MLLT3: variants seen among roughly 807,000 people sequenced by gnomAD.
MLLT3 encodes the protein MLLT3 super elongation complex subunit.
Under a neutral mutation model 53.2 loss-of-function variants are expected in MLLT3, and 4 were observed. The ratio of observed to expected loss-of-function variants is 0.08; its 90% CI spans 0.04 to 0.17. The LOEUF is 0.17. Among genes scored for constraint, MLLT3 ranks in the 10% least tolerant of loss-of-function variants. MLLT3 has a pLI of 1.00. For missense variants in MLLT3, 569 were observed against 684.0 expected, an observed-to-expected ratio of 0.83 and a Z score of 1.87; for synonymous variants, 283 against 230.6, an observed-to-expected ratio of 1.23 and a Z score of -2.06.
chr9:20,398,153 G>A (rs1822368405), intron 5 of MLLT3, among the ~76,000 whole-genome samples: 1 of 151,926 alleles, frequency 6.6e-6, no homozygotes, highest in African/African-American at 2.4e-5. Flanking sequence ...CTGGAGTGCA[G>A]TGTTACAAGG....
chr9:20,352,777 G>T (rs1208319545), intron 10 of MLLT3, among the ~76,000 whole-genome samples: 1 of 144,974 alleles, frequency 6.9e-6, no homozygotes, highest in African/African-American at 2.5e-5. Context: ...TCATTTGAAA[G>T]TAGTAAAAAA....
At chr9:20,498,437 T>C (rs138469174) in intron 2 of MLLT3, among the ~76,000 whole-genome samples, 124 of 152,176 alleles carry the variant, frequency 8.1e-4, no homozygotes, top group Non-Finnish European at 1.4e-3. Flanking sequence ...TATATCTCCT[T>C]TGATGAAGTG....
At chr9:20,515,130 C>G (rs1395137844) in intron 2 of MLLT3, among the ~76,000 whole-genome samples, 5 of 151,594 alleles carry the variant, frequency 3.3e-5, no homozygotes, top group Non-Finnish European at 7.4e-5. Flanking sequence ...GTATTTCTAG[C>G]AGAGATGGGG....
chr9:20,469,533 T>C (rs924664887), intron 2 of MLLT3, among the ~76,000 whole-genome samples: 4 of 152,074 alleles, frequency 2.6e-5, no homozygotes, highest in Admixed American at 2.0e-4. Flanking sequence ...GGTTGATGAA[T>C]AGGTTTATGC....
chr9:20,353,910 A>G (rs1821099060), intron 9 of MLLT3, among the ~76,000 whole-genome samples: 3 of 152,248 alleles, frequency 2.0e-5, no homozygotes, highest in Admixed American at 2.0e-4. Flanking sequence ...TAGGGAAATT[A>G]AATGCTAAAT....
At chr9:20,486,115 T>C (rs1824805688) in intron 2 of MLLT3, among the ~76,000 whole-genome samples, 1 of 152,176 alleles carries the variant, frequency 6.6e-6, no homozygotes, top group Admixed American at 6.5e-5. Context: ...TATCTGTCAG[T>C]CACATGATAA....
At chr9:20,611,646 T>G (rs1820705128) in intron 2 of MLLT3, among the ~76,000 whole-genome samples, 1 of 152,102 alleles carries the variant, frequency 6.6e-6, no homozygotes, top group Non-Finnish European at 1.5e-5. Flanking sequence ...AGCCATAATT[T>G]TCTTTAATAA....
chr9:20,470,700 T>C lies in MLLT3; in HGVS notation c.194-13914A>G, dbSNP rs185660299. ...TTCTTCCTGGGATGTCAAGTACTAT[T>C]GTTTAGCTTCTACCCTAAACCAAAG... On this transcript the variant is annotated intron_variant, in intron 2 of 10. Transcript: ENST00000380338. Among the ~76,000 whole-genome samples, 1,440 of 152,150 alleles carry C rather than the reference T, an allele frequency of 9.5e-3. 10 individuals carry two copies. The highest frequency in any genetic ancestry group is 0.02 in the Middle Eastern group (6 of 294).
chr9:20,353,433 G>A, intron 10 of MLLT3, 92 bp downstream of exon 10: 1 of 1,027,508 alleles, frequency 9.7e-7, no homozygotes. Flanking sequence ...ATAGCGTGGG[G>A]CTGCAGTGGC....
At chr9:20,439,170 A>G (rs777856013) in intron 4 of MLLT3, among the ~76,000 whole-genome samples, 10 of 152,122 alleles carry the variant, frequency 6.6e-5, no homozygotes, top group African/African-American at 1.2e-4. Flanking sequence ...CCTGACCAAC[A>G]CGGTGAAACC....
At chr9:20,611,121 T>C (rs937126665) in intron 2 of MLLT3, among the ~76,000 whole-genome samples, 1 of 152,158 alleles carries the variant, frequency 6.6e-6, no homozygotes, top group Non-Finnish European at 1.5e-5. Flanking sequence ...AGGGTAAAGA[T>C]GATATAAAGT....
In MLLT3 at chr9:20,484,581, T is replaced by C. The variant is rs2118910922; in HGVS notation, c.194-27795A>G. The stretch of plus-strand genomic sequence containing the variant: ...AAACTTAACCCAAAAATTACTCCTT[T>C]TCTCTGGTCTGCCCCACCACATACC... On this transcript the variant is annotated intron_variant, in intron 2 of 10. Coordinates refer to ENST00000380338, the MANE Select transcript of MLLT3 (RefSeq NM_004529.4). Among the ~76,000 whole-genome samples, 2 of 152,276 alleles carry C rather than the reference T, an allele frequency of 1.3e-5. 1 individual carries two copies. The highest frequency in any genetic ancestry group is 6.8e-3 in the Middle Eastern group (2 of 294).
chr9:20,570,549 T>G (rs995326754), intron 2 of MLLT3, among the ~76,000 whole-genome samples: 3 of 152,212 alleles, frequency 2.0e-5, no homozygotes, highest in Non-Finnish European at 2.9e-5. Context: ...CTGGAATGTC[T>G]ATAACAACAA....
intron 2 of MLLT3, among the ~76,000 whole-genome samples, chr9:20,561,965 T>G (rs1819226216): frequency 6.6e-6 from 1 of 151,920 alleles, no homozygotes; most frequent in African/African-American, 2.4e-5. Flanking sequence ...GGGCAGAGAT[T>G]AGGGAACAGA....
chr9:20,486,453 G>C (rs1586987021), intron 2 of MLLT3, among the ~76,000 whole-genome samples: 1 of 152,024 alleles, frequency 6.6e-6, no homozygotes, highest in African/African-American at 2.4e-5. Flanking sequence ...ATCACAAAAA[G>C]GCTAATTTTC....
intron 2 of MLLT3, among the ~76,000 whole-genome samples, chr9:20,586,395 T>TG (rs1166320497): frequency 7.2e-6 from 1 of 139,722 alleles, no homozygotes; most frequent in African/African-American, 2.6e-5. Context: ...ATTCTGTGAC[T>TG]GGAAAGAAAA....
Position 20,620,842 on chromosome 9 carries a change from C to A in MLLT3, c.13-8G>T, listed in dbSNP as rs372688474. The A allele has an allele frequency of 6.2e-6, 10 of 1,614,046 alleles. No homozygotes were observed. In the African/African-American group the frequency reaches 1.2e-4, roughly 19 times the overall value. ...CTTCACCTGCACGGCACACTGCGGG[C>A]AGGGGGAGGAGAGACAGCCGTGAAT... On this transcript the variant is annotated splice_region_variant and splice_polypyrimidine_tract_variant and intron_variant, in intron 1 of 10. Coordinates refer to ENST00000380338, the MANE Select transcript of MLLT3 (RefSeq NM_004529.4). The surrounding 1 kb of genome is among the most constrained non-coding windows in gnomAD (Gnocchi z 6.1).
At chr9:20,513,630 G>C (rs1490038361) in intron 2 of MLLT3, among the ~76,000 whole-genome samples, 1 of 152,142 alleles carries the variant, frequency 6.6e-6, no homozygotes, top group African/African-American at 2.4e-5. Context: ...GGCTACCGTG[G>C]CGTATCTGCA....
intron 7 of MLLT3, 71 bp downstream of exon 7, chr9:20,363,405 A>T: frequency 1.3e-6 from 2 of 1,567,934 alleles, no homozygotes; most frequent in Non-Finnish European, 1.7e-6. Flanking sequence ...CTTTGCTGTG[A>T]TTATCCCAGC....
Sources: gnomAD v4.1 joint callset for allele counts (sites outside exome capture counted in the v4.1 genomes callset) on GRCh38, gnomAD v4.1.1 for gene constraint, Gnocchi (gnomAD v3.1) non-coding constraint, MANE v1.5 for transcripts, NCBI Gene and HGNC (gene_info 2026-07-23, HGNC 2026-07-21) for gene names.